The following RFX3 variants were observed in gnomAD, a reference collection of about 807,000 sequenced individuals.
The protein encoded by RFX3 is regulatory factor X3, also known as transcription factor RFX3.
RFX3 carries 14 observed loss-of-function variants against 98.6 expected under a neutral mutation model. The observed-to-expected ratio is 0.14, with a 90% CI of 0.09 to 0.22. The LOEUF (loss-of-function observed/expected upper bound fraction) is 0.22, where lower values mean the gene tolerates loss of function less well. RFX3 is among the 10% of genes least tolerant of loss of function. RFX3 has a pLI of 1.00. For missense variants in RFX3, 639 were observed against 926.9 expected, an observed-to-expected ratio of 0.69 and a Z score of 4.03; for synonymous variants, 383 against 328.4, an observed-to-expected ratio of 1.17 and a Z score of -1.80.
At chr9:3,438,615 G>A (rs1365616442) in intron 1 of RFX3, among the ~76,000 whole-genome samples, 3 of 143,910 alleles carry the variant, frequency 2.1e-5, no homozygotes. Flanking sequence ...AAAAAAGCAA[G>A]ACACAACAAC....
intron 8 of RFX3, among the ~76,000 whole-genome samples, chr9:3,276,559 C>A (rs1563844910): frequency 6.6e-6 from 1 of 152,012 alleles, no homozygotes; most frequent in African/African-American, 2.4e-5. Context: ...AAGAATATAA[C>A]CCTAGGACTT....
At chr9:3,506,675 T>C (rs1817130730) in intron 1 of RFX3, among the ~76,000 whole-genome samples, 1 of 151,744 alleles carries the variant, frequency 6.6e-6, no homozygotes, top group Non-Finnish European at 1.5e-5. Flanking sequence ...TATATATAGA[T>C]ATATGAGTCT....
At chr9:3,248,752 T>G (rs1821004987) in intron 14 of RFX3, among the ~76,000 whole-genome samples, 1 of 152,204 alleles carries the variant, frequency 6.6e-6, no homozygotes, top group Non-Finnish European at 1.5e-5. Context: ...TATTAAGTGT[T>G]TCCAGTTTCT....
chr9:3,393,881 G>A (rs1378178332), intron 2 of RFX3, among the ~76,000 whole-genome samples: 2 of 152,130 alleles, frequency 1.3e-5, no homozygotes, highest in African/African-American at 4.8e-5. Context: ...TGGGTACAAT[G>A]TTCACTATTT....
At chr9:3,483,134 T>C (rs1004994606) in intron 1 of RFX3, among the ~76,000 whole-genome samples, 6 of 152,160 alleles carry the variant, frequency 3.9e-5, no homozygotes, top group African/African-American at 1.4e-4. Flanking sequence ...GGCAGGCAAG[T>C]GGGCAGCTAC....
chr9:3,275,245 T>C (rs540180740), intron 9 of RFX3, among the ~76,000 whole-genome samples: 1 of 152,206 alleles, frequency 6.6e-6, no homozygotes, highest in East Asian at 1.9e-4. Context: ...AGAGGTGGAA[T>C]TGCTACGCCA....
At chr9:3,388,688 C>G (rs1433837800) in intron 2 of RFX3, among the ~76,000 whole-genome samples, 2 of 152,034 alleles carry the variant, frequency 1.3e-5, no homozygotes, top group Non-Finnish European at 2.9e-5. Context: ...AACCAAAAAT[C>G]TACCAGAAAC....
intron 1 of RFX3, among the ~76,000 whole-genome samples, chr9:3,495,979 T>C (rs1219675627): frequency 1.3e-5 from 2 of 152,026 alleles, no homozygotes; most frequent in Admixed American, 1.3e-4. Context: ...TAAATAGCTT[T>C]AAGGGGTGGG....
At chr9:3,524,547 TGA>T (rs1819022453) in intron 1 of RFX3, 2 of 976,170 alleles carry the variant, frequency 2.0e-6, no homozygotes, top group African/African-American at 3.5e-5. Flanking sequence ...CAAAGGAAAA[TGA>T]GGAGATTAAA....
At chr9:3,523,819 G>C (rs1470794817) in intron 1 of RFX3, among the ~76,000 whole-genome samples, 2 of 152,042 alleles carry the variant, frequency 1.3e-5, no homozygotes, top group East Asian at 3.9e-4. Context: ...CCCAGTTTGG[G>C]GAGAGGAGGA....
chr9:3,507,023 T>C (rs1274179786), intron 1 of RFX3, among the ~76,000 whole-genome samples: 2 of 151,976 alleles, frequency 1.3e-5, no homozygotes, highest in African/African-American at 2.4e-5. Flanking sequence ...ATCTGAAGCT[T>C]AAACAACTAT....
intron 1 of RFX3, among the ~76,000 whole-genome samples, chr9:3,485,993 G>A (rs550364840): frequency 1.9e-4 from 29 of 151,688 alleles, no homozygotes; most frequent in South Asian, 1.0e-3. Context: ...GCATGGTGGC[G>A]CATTGCCTGT....
rs544611082 is a variant in RFX3, at chr9:3,466,159, T to C, written c.-9+59588A>G. 3.3e-5 allele frequency among the ~76,000 whole-genome samples: 5 copies of C among 152,310 alleles called. No individual in the cohort carries two copies. The South Asian group carries it at 1.0e-3, about 32-fold the overall frequency. On this transcript the variant is annotated intron_variant, in intron 1 of 16. Coordinates refer to ENST00000617270, the MANE Select transcript of RFX3 (RefSeq NM_001282116.2). ...TTACTCTGTAGCAGGAAAATAGAGTTCTAAAGAACTCATGGCAATTTCATA... is the reference window on the plus strand; with the variant it reads ...TTACTCTGTAGCAGGAAAATAGAGTCCTAAAGAACTCATGGCAATTTCATA...
At chr9:3,293,302 T>G (rs757760032) in intron 5 of RFX3, 44 bp from the exon 6 acceptor site, 16 of 1,487,838 alleles carry the variant, frequency 1.1e-5, no homozygotes, top group Non-Finnish European at 1.4e-5. Context: ...TCACATAATT[T>G]GCCAAAATTT....
At chr9:3,366,000 G>A (rs549454445) in intron 2 of RFX3, among the ~76,000 whole-genome samples, 4 of 151,872 alleles carry the variant, frequency 2.6e-5, no homozygotes, top group African/African-American at 7.3e-5. Flanking sequence ...GTGGTGCAGC[G>A]GGCCCTGCTC....
At chr9:3,403,152 A>C (rs770863290) in intron 1 of RFX3, among the ~76,000 whole-genome samples, 2 of 152,056 alleles carry the variant, frequency 1.3e-5, no homozygotes, top group African/African-American at 2.4e-5. Context: ...AATATAAAAC[A>C]CTTGGCTTTC....
chr9:3,348,483 A>G (rs1834707340), intron 2 of RFX3, among the ~76,000 whole-genome samples: 1 of 151,456 alleles, frequency 6.6e-6, no homozygotes, highest in South Asian at 2.1e-4. Flanking sequence ...GTTAAATAAT[A>G]AAGGTTGTAA....
chr9:3,375,216 T>C (rs970783382), intron 2 of RFX3, among the ~76,000 whole-genome samples: 2 of 152,222 alleles, frequency 1.3e-5, no homozygotes, highest in African/African-American at 4.8e-5. Flanking sequence ...AGCTGTCATC[T>C]CCACTATGAA....
At chr9:3,382,716 C>T (rs1230152835) in intron 2 of RFX3, among the ~76,000 whole-genome samples, 1 of 152,042 alleles carries the variant, frequency 6.6e-6, no homozygotes, top group African/African-American at 2.4e-5. Flanking sequence ...TAATTAACAT[C>T]TGTTTTATGT....
Sources: gnomAD v4.1 joint callset for allele counts (sites outside exome capture counted in the v4.1 genomes callset) on GRCh38, gnomAD v4.1.1 for gene constraint, MANE v1.5 for transcripts, NCBI Gene and HGNC (gene_info 2026-07-23, HGNC 2026-07-21) for gene names.